The following ANKRD30A variants were observed in gnomAD, a reference collection of about 807,000 sequenced individuals.
The protein encoded by ANKRD30A is ankyrin repeat domain-containing protein 30A.
In ANKRD30A, 170 loss-of-function variants were observed where a neutral mutation model predicts 166.3. That is an observed-to-expected ratio of 1.02 (90% confidence interval 0.90 to 1.16). The LOEUF is 1.16. Ranked by LOEUF, ANKRD30A falls within the 50% of genes most tolerant of loss-of-function variation. The pLI, the probability that ANKRD30A is intolerant of heterozygous loss-of-function variation, is 0.00. For synonymous variants in ANKRD30A, 564 were observed against 508.9 expected (o/e 1.11, Z -1.46); for missense variants, 1,630 against 1,518.0 (o/e 1.07, Z -1.23).
intron 5 of ANKRD30A, chr10:37,135,385 C>G (rs1441256093): frequency 2.0e-5 from 3 of 152,146 alleles, no homozygotes; most frequent in Admixed American, 6.5e-5. Context: ...CTAACTAGCT[C>G]CAAGGAAATG....
intron 24 of ANKRD30A, among the ~76,000 whole-genome samples, chr10:37,183,313 G>A (rs1840159886): frequency 6.9e-6 from 1 of 145,322 alleles, no homozygotes; most frequent in Non-Finnish European, 1.5e-5. Context: ...TCAGTAAATA[G>A]GAGAAATAGG....
At chr10:37,233,114 T>G (rs1419219039), downstream of ANKRD30A, among the ~76,000 whole-genome samples, 1 of 152,092 alleles carries the variant, frequency 6.6e-6, no homozygotes, top group Non-Finnish European at 1.5e-5. Context: ...TTTACCTGGC[T>G]TCATATTCTA....
At chr10:37,166,888 A>G (rs559126571) in intron 19 of ANKRD30A, among the ~76,000 whole-genome samples, 193 bp downstream of exon 19, 3 of 152,258 alleles carry the variant, frequency 2.0e-5, no homozygotes, top group African/African-American at 7.2e-5. Context: ...GCTGAAGCGG[A>G]GCTGAATTAC....
Position 37,193,089 on chromosome 10 carries a change from G to T in ANKRD30A, c.2538G>T (p.Leu846=). 2 of 1,607,222 alleles carry T rather than the reference G, an allele frequency of 1.2e-6. No individual in the cohort carries two copies. The highest frequency in any genetic ancestry group is 1.7e-6 in the Non-Finnish European group (2 of 1,174,664). The change falls in exon 26 of 36, where the codon CTG becomes CTT. Residue 846 remains leucine (L), a synonymous_variant. Transcript: ENST00000361713. The part of the protein sequence containing the change: ...LEESPDNDGF[L]KAPCRMKVSI... The stretch of plus-strand genomic sequence containing the variant: ...AGTCTCCTGATAATGATGGTTTTCT[G>T]AAGGTAATAACTTTTATATTTTTAT...
At chr10:37,212,237 A>C (rs1842371725) in intron 31 of ANKRD30A, among the ~76,000 whole-genome samples, 1 of 152,064 alleles carries the variant, frequency 6.6e-6, no homozygotes, top group Admixed American at 6.6e-5. Context: ...AGACAAACAG[A>C]CAGCCAAATC....
At chr10:37,230,338 T>A (rs945358768) in intron 34 of ANKRD30A, among the ~76,000 whole-genome samples, 1 of 152,012 alleles carries the variant, frequency 6.6e-6, no homozygotes, top group Non-Finnish European at 1.5e-5. Context: ...AAGTGGAAGT[T>A]AACTAGATAA....
At chr10:37,128,373 A>G (rs1836175075) in intron 1 of ANKRD30A, among the ~76,000 whole-genome samples, 1 of 151,946 alleles carries the variant, frequency 6.6e-6, no homozygotes, top group East Asian at 1.9e-4. Flanking sequence ...CTATGTTTTA[A>G]TTTTTATTTT....
intron 35 of ANKRD30A, among the ~76,000 whole-genome samples, chr10:37,232,246 T>C (rs1843443152): frequency 6.6e-6 from 1 of 151,998 alleles, no homozygotes; most frequent in Non-Finnish European, 1.5e-5. Context: ...TGTTTTTTTT[T>C]TAACACAAGA....
At chr10:37,258,917 T>G in the ANKRD30A span, among the ~76,000 whole-genome samples, 1 of 143,332 alleles carries the variant, frequency 7.0e-6, no homozygotes, top group African/African-American at 2.6e-5. Flanking sequence ...GAGCCGAGAT[T>G]GTGCTACTGC....
chr10:37,220,333 A>C (rs1375269173), intron 34 of ANKRD30A, among the ~76,000 whole-genome samples: 1 of 151,052 alleles, frequency 6.6e-6, no homozygotes, highest in African/African-American at 2.4e-5. Context: ...CAATTTAGCA[A>C]TTTACTTTGA....
chr10:37,239,091 A>T, the ANKRD30A span, among the ~76,000 whole-genome samples: 1 of 152,178 alleles, frequency 6.6e-6, no homozygotes, highest in Non-Finnish European at 1.5e-5. Flanking sequence ...TATACAAAAG[A>T]TGTAAAGAGG....
At chr10:37,210,542 A>T (rs1842242188) in intron 31 of ANKRD30A, among the ~76,000 whole-genome samples, 1 of 152,016 alleles carries the variant, frequency 6.6e-6, no homozygotes, top group Non-Finnish European at 1.5e-5. Flanking sequence ...GAATCGCCAC[A>T]CTCTCTTCTA....
intron 7 of ANKRD30A, among the ~76,000 whole-genome samples, chr10:37,142,526 G>A (rs1190110526): frequency 6.7e-6 from 1 of 148,732 alleles, no homozygotes; most frequent in Non-Finnish European, 1.5e-5. Flanking sequence ...TAAAACCATA[G>A]GAACCAAAGT....
chr10:37,257,343 A>T, the ANKRD30A span, among the ~76,000 whole-genome samples: 1 of 151,184 alleles, frequency 6.6e-6, no homozygotes, highest in African/African-American at 2.4e-5. Context: ...TTCAAAAAAA[A>T]AAACAGCTCC....
intron 31 of ANKRD30A, among the ~76,000 whole-genome samples, chr10:37,206,863 A>C (rs1212522666): frequency 6.6e-6 from 1 of 151,680 alleles, no homozygotes; most frequent in Non-Finnish European, 1.5e-5. Context: ...TGATTTTAGA[A>C]ACAAACAAAA....
intron 34 of ANKRD30A, among the ~76,000 whole-genome samples, chr10:37,230,269 C>T (rs1843359330): frequency 6.6e-6 from 1 of 151,884 alleles, no homozygotes; most frequent in Non-Finnish European, 1.5e-5. Context: ...GTAAATTAAG[C>T]TCATTAATTT....
At position 37,152,137 on chromosome 10, in the gene ANKRD30A, GA is replaced by G. The variant is rs1258248896; in HGVS notation, c.1707+17del. 1 of 1,583,772 alleles carries G rather than the reference GA, an allele frequency of 6.3e-7. No individual in the cohort carries two copies. Among genetic ancestry groups the G allele is most frequent in the African/African-American group, 1.3e-5 (1 of 74,104 alleles). On this transcript the variant is annotated intron_variant, in intron 12 of 35. Coordinates refer to ENST00000361713, the MANE Select transcript of ANKRD30A (RefSeq NM_052997.3). Reference sequence around the variant, plus strand: ...GGATTCTGAGGTACTATGTGTTATTGATTTTTTTTTAATATTAGTATTGCAT... The same window carrying G: ...GGATTCTGAGGTACTATGTGTTATTGTTTTTTTTTAATATTAGTATTGCAT...
the ANKRD30A span, among the ~76,000 whole-genome samples, chr10:37,254,415 G>C: frequency 6.6e-6 from 1 of 152,128 alleles, no homozygotes; most frequent in African/African-American, 2.4e-5. Context: ...ACACTATTGG[G>C]TGTTAAGTGA....
chr10:37,141,572 C>CA (rs909714989), intron 6 of ANKRD30A, 146 bp from the exon 7 acceptor site: 195,429 of 749,158 alleles, frequency 0.26, 6,512 homozygotes, highest in African/African-American at 0.32. Context: ...GACTCTGTCT[C>CA]AAAAAAAAAA....
Sources: allele counts gnomAD v4.1 joint callset (sites outside exome capture counted in the v4.1 genomes callset), GRCh38; gene constraint gnomAD v4.1.1; transcripts MANE v1.5; gene names NCBI Gene and HGNC (gene_info 2026-07-23, HGNC 2026-07-21).